ZFAT: variants seen among roughly 807,000 people sequenced by gnomAD.
ZFAT encodes zinc finger protein ZFAT.
In ZFAT, 64 loss-of-function variants were observed where a neutral mutation model predicts 117.7. The observed-to-expected ratio is 0.54, with a 90% CI of 0.44 to 0.67. The LOEUF (loss-of-function observed/expected upper bound fraction) is 0.67, where lower values mean the gene tolerates loss of function less well. Among genes scored for constraint, ZFAT ranks in the 30% least tolerant of loss-of-function variants. The pLI, the probability that ZFAT is intolerant of heterozygous loss-of-function variation, is 0.00. For synonymous variants in ZFAT, 679 were observed against 615.0 expected (o/e 1.10, Z -1.54); for missense variants, 1,433 against 1,584.5 (o/e 0.90, Z 1.62).
At chr8:134,599,178 A>T (rs1827203302) in intron 7 of ZFAT, 1 of 152,318 alleles carries the variant, frequency 6.6e-6, no homozygotes, top group African/African-American at 2.4e-5. Context: ...AGAGAGAGAG[A>T]CAGAAAGAAA....
At chr8:134,522,573 T>G (rs531117855) in intron 12 of ZFAT, among the ~76,000 whole-genome samples, 19 of 152,244 alleles carry the variant, frequency 1.2e-4, no homozygotes, top group African/African-American at 4.3e-4. Context: ...AAGAGCACAC[T>G]CCAGAGCCCA....
At chr8:134,488,665 C>T (rs1399533642) in intron 15 of ZFAT, among the ~76,000 whole-genome samples, 1 of 152,070 alleles carries the variant, frequency 6.6e-6, no homozygotes, top group East Asian at 1.9e-4. Context: ...AACCATGAGG[C>T]CAGATGCAGT....
chr8:134,755,170 G>A, the ZFAT span, among the ~76,000 whole-genome samples: 8 of 151,710 alleles, frequency 5.3e-5, no homozygotes, highest in South Asian at 2.1e-4. Context: ...TTGGGAGGCC[G>A]AGGCAGGCGG....
intron 15 of ZFAT, among the ~76,000 whole-genome samples, chr8:134,507,860 C>G (rs1223076661): frequency 6.6e-6 from 1 of 152,180 alleles, no homozygotes; most frequent in Non-Finnish European, 1.5e-5. Context: ...CTGATACCAT[C>G]CCAGAGAGAC....
the ZFAT span, among the ~76,000 whole-genome samples, chr8:134,814,809 A>G: frequency 3.3e-5 from 5 of 152,212 alleles, no homozygotes; most frequent in East Asian, 7.7e-4. Context: ...AAGTCCAAAG[A>G]TAAGTGTGAA....
chr8:134,614,501 C>T (rs7341571), intron 3 of ZFAT, among the ~76,000 whole-genome samples: 2,186 of 152,260 alleles, frequency 0.014, 63 homozygotes, highest in African/African-American at 0.049. Context: ...CACAGAGCAC[C>T]GAACCAACGG....
intron 3 of ZFAT, among the ~76,000 whole-genome samples, chr8:134,628,030 G>A (rs992327677): frequency 6.6e-6 from 1 of 152,180 alleles, no homozygotes; most frequent in African/African-American, 2.4e-5. Context: ...GCCCAGATCT[G>A]CTGGGAAGCT....
At chr8:134,530,685 A>C (rs1051077572) in intron 12 of ZFAT, among the ~76,000 whole-genome samples, 3 of 152,232 alleles carry the variant, frequency 2.0e-5, no homozygotes, top group Non-Finnish European at 2.9e-5. Flanking sequence ...ATCTATATAT[A>C]TATGTACAGA....
the ZFAT span, among the ~76,000 whole-genome samples, chr8:134,820,287 G>A: frequency 6.6e-6 from 1 of 152,172 alleles, no homozygotes; most frequent in African/African-American, 2.4e-5. Context: ...TGAGATGGAG[G>A]TCAGGAAAGA....
At chr8:134,521,838 G>A (rs911913999) in intron 12 of ZFAT, among the ~76,000 whole-genome samples, 5 of 152,162 alleles carry the variant, frequency 3.3e-5, no homozygotes, top group Non-Finnish European at 7.4e-5. Flanking sequence ...TGGCACCACC[G>A]GGCCGCCACC....
intron 15 of ZFAT, among the ~76,000 whole-genome samples, chr8:134,479,625 T>G (rs1817147185): frequency 6.6e-6 from 1 of 152,180 alleles, no homozygotes; most frequent in East Asian, 1.9e-4. Context: ...GGGCCTGGAA[T>G]TATCTAGCTG....
intron 11 of ZFAT, among the ~76,000 whole-genome samples, chr8:134,560,692 TG>T (rs1450643180): frequency 6.6e-6 from 1 of 151,718 alleles, no homozygotes; most frequent in African/African-American, 2.4e-5. Flanking sequence ...AGCAAAGAGT[TG>T]AATAGCTAGA....
chr8:134,503,040 A>C (rs1290175625), intron 15 of ZFAT, among the ~76,000 whole-genome samples: 1 of 152,222 alleles, frequency 6.6e-6, no homozygotes, highest in East Asian at 1.9e-4. Flanking sequence ...CCTGGGCTGC[A>C]GGGGAAATGC....
chr8:134,584,640 A>G (rs1419723163), intron 9 of ZFAT, among the ~76,000 whole-genome samples: 1 of 152,110 alleles, frequency 6.6e-6, no homozygotes, highest in Non-Finnish European at 1.5e-5. Context: ...TCCTTCATTC[A>G]CTAAGTGTCT....
chr8:134,545,446 G>C (rs1822622083), intron 11 of ZFAT, among the ~76,000 whole-genome samples: 1 of 152,118 alleles, frequency 6.6e-6, no homozygotes, highest in Admixed American at 6.5e-5. Context: ...CTGGAGCCCA[G>C]GAGTTCAAGA....
chr8:134,695,087 G>C (rs1333953820), intron 1 of ZFAT, among the ~76,000 whole-genome samples: 1 of 152,202 alleles, frequency 6.6e-6, no homozygotes, highest in Admixed American at 6.5e-5. Flanking sequence ...GAGCCAGGCA[G>C]GGAGAACCCA....
the ZFAT span, among the ~76,000 whole-genome samples, chr8:134,807,777 A>G: frequency 7.2e-5 from 11 of 152,014 alleles, no homozygotes; most frequent in African/African-American, 2.7e-4. Flanking sequence ...TTTTCAATCC[A>G]TTCAATAATA....
chr8:134,789,885 TAC>T, the ZFAT span, among the ~76,000 whole-genome samples: 3 of 152,330 alleles, frequency 2.0e-5, no homozygotes, highest in East Asian at 5.8e-4. Context: ...TACTCCAGTA[TAC>T]ACAGTGTGGT....
At chr8:134,598,836 C>T (rs1237392583) in intron 7 of ZFAT, 2 of 152,240 alleles carry the variant, frequency 1.3e-5, no homozygotes, top group Non-Finnish European at 1.5e-5. Flanking sequence ...TACATCTATT[C>T]TCTCACTTCA....
Sources: allele counts gnomAD v4.1 joint callset (sites outside exome capture counted in the v4.1 genomes callset), GRCh38; gene constraint gnomAD v4.1.1; transcripts MANE v1.5; gene names NCBI Gene and HGNC (gene_info 2026-07-23, HGNC 2026-07-21).